MBD5: variants seen among roughly 807,000 people sequenced by gnomAD.
MBD5 encodes the protein methyl-CpG-binding domain protein 5.
Under a neutral mutation model 117.3 loss-of-function variants are expected in MBD5, and 13 were observed. That is an observed-to-expected ratio of 0.11 (90% CI 0.07 to 0.18). The LOEUF (loss-of-function observed/expected upper bound fraction) is 0.18, where lower values mean the gene tolerates loss of function less well. Among genes scored for constraint, MBD5 ranks in the 10% least tolerant of loss-of-function variants. The pLI is 1.00. For synonymous variants in MBD5, 727 were observed against 766.4 expected, an observed-to-expected ratio of 0.95 and a Z score of 0.85; for missense variants, 1,879 against 2,093.8, an observed-to-expected ratio of 0.90 and a Z score of 2.00.
In MBD5 at chr2:148,507,564, C is replaced by T. The variant is rs537972947; in HGVS notation, c.5037-2496C>T. 2.6e-4 allele frequency among the ~76,000 whole-genome samples: 40 copies of T among 151,454 alleles called. 1 individual carries two copies. In the East Asian group the frequency reaches 7.6e-3, roughly 29 times the overall value. The stretch of plus-strand genomic sequence containing the variant: ...CACGAGGTCAGGAGATCGAGACCAT[C>T]CTGGCTAACACGGTGAAACCCCGTC... On this transcript the variant is annotated intron_variant, in intron 12 of 13. Coordinates refer to ENST00000642680, the MANE Select transcript of MBD5 (RefSeq NM_001378120.1).
intron 1 of MBD5, among the ~76,000 whole-genome samples, chr2:148,172,357 C>T (rs187306259): frequency 1.8e-4 from 27 of 152,308 alleles, no homozygotes; most frequent in Non-Finnish European, 2.6e-4. Flanking sequence ...AGGTTGAAGG[C>T]GAGCTGAGGC....
chr2:148,275,769 C>CTT (rs905502617), intron 3 of MBD5, among the ~76,000 whole-genome samples: 1 of 145,054 alleles, frequency 6.9e-6, no homozygotes. Context: ...CTGGAAATCA[C>CTT]TTTTTTTTTT....
chr2:148,097,324 A>G (rs1183986941), intron 1 of MBD5, among the ~76,000 whole-genome samples: 2 of 152,184 alleles, frequency 1.3e-5, no homozygotes, highest in Non-Finnish European at 2.9e-5. Context: ...CATACAGTGA[A>G]TAGTTTCTCA....
chr2:148,136,828 T>C (rs1697182033), intron 1 of MBD5, among the ~76,000 whole-genome samples: 2 of 152,044 alleles, frequency 1.3e-5, no homozygotes, highest in South Asian at 4.1e-4. Context: ...AGTGGCACAA[T>C]CTTGGCTCAC....
At chr2:148,153,187 C>G (rs1469019280) in intron 1 of MBD5, among the ~76,000 whole-genome samples, 1 of 150,936 alleles carries the variant, frequency 6.6e-6, no homozygotes, top group Non-Finnish European at 1.5e-5. Context: ...TTTATTTCTC[C>G]TTCACTTATG....
chr2:148,395,258 T>C lies in MBD5; in HGVS notation c.-557+52922T>C, dbSNP rs551769843. Among the ~76,000 whole-genome samples, 26 of 152,318 alleles carry C rather than the reference T, an allele frequency of 1.7e-4. No individual in the cohort carries two copies. The East Asian group carries it at 3.3e-3, about 19-fold the overall frequency. ...CACAGATATTTCCTTTAGCCACTTA[T>C]GGTTTTTGTTTCATCTAACTTCAGC... On this transcript the variant is annotated intron_variant, in intron 4 of 13. Coordinates refer to ENST00000642680, the MANE Select transcript of MBD5 (RefSeq NM_001378120.1).
At position 148,468,697 on chromosome 2, in the gene MBD5, A is replaced by G. The variant is rs1223829857; in HGVS notation, c.754A>G (p.Arg252Gly). Reference protein sequence around the residue: ...DPLGSPDVFTRSNPGFHGAPN... With the variant: ...DPLGSPDVFTGSNPGFHGAPN... Reference sequence around the variant, plus strand: ...ACTTGGAAGTCCTGATGTTTTCACAAGAAGTAATCCTGGTTTTCATGGAGC... The same window carrying G: ...ACTTGGAAGTCCTGATGTTTTCACAGGAAGTAATCCTGGTTTTCATGGAGC... Residue 252 changes from arginine (R) to glycine (G), a missense_variant, in exon 8 of 14, where the codon AGA (arginine) becomes GGA (glycine). Physicochemically the swap from Arg to Gly is moderately radical, Grantham distance 125 (BLOSUM62 -2). Coordinates refer to ENST00000642680, the MANE Select transcript of MBD5 (RefSeq NM_001378120.1). The G allele has an allele frequency of 1.2e-6, 2 of 1,613,832 alleles. No individual in the cohort carries two copies. The highest frequency in any genetic ancestry group is 2.7e-5 in the African/African-American group (2 of 74,884).
At chr2:148,147,075 A>C (rs1201851528) in intron 1 of MBD5, among the ~76,000 whole-genome samples, 1 of 151,978 alleles carries the variant, frequency 6.6e-6, no homozygotes, top group African/African-American at 2.4e-5. Context: ...GAACATATGT[A>C]TTGTAGGTGG....
intron 1 of MBD5, among the ~76,000 whole-genome samples, chr2:148,118,611 T>C (rs1696695487): frequency 6.6e-6 from 1 of 151,736 alleles, no homozygotes; most frequent in Admixed American, 6.6e-5. Flanking sequence ...AAAAAACTAT[T>C]AAAATTCATC....
chr2:148,496,604 C>T (rs1681710505), intron 11 of MBD5, among the ~76,000 whole-genome samples: 1 of 152,168 alleles, frequency 6.6e-6, no homozygotes, highest in South Asian at 2.1e-4. Context: ...AACTTTTAAA[C>T]ATTGTTTCCT....
At chr2:148,286,344 G>A (rs996995239) in intron 3 of MBD5, among the ~76,000 whole-genome samples, 7 of 152,154 alleles carry the variant, frequency 4.6e-5, no homozygotes, top group Non-Finnish European at 8.8e-5. Context: ...GCTGAGAAAT[G>A]TTGTGCCAAG....
chr2:148,085,809 G>C (rs1404078717), intron 1 of MBD5, among the ~76,000 whole-genome samples: 1 of 152,208 alleles, frequency 6.6e-6, no homozygotes, highest in Non-Finnish European at 1.5e-5. Flanking sequence ...AAGACACTGA[G>C]AGAATGGAAA....
At chr2:148,333,550 C>A (rs1359604376) in intron 3 of MBD5, among the ~76,000 whole-genome samples, 1 of 151,876 alleles carries the variant, frequency 6.6e-6, no homozygotes, top group Non-Finnish European at 1.5e-5. Context: ...TTCAAAATTC[C>A]CCAGTTCAAG....
intron 3 of MBD5, among the ~76,000 whole-genome samples, chr2:148,336,116 A>G (rs75590655): frequency 0.01 from 1,527 of 152,288 alleles, 23 homozygotes; most frequent in African/African-American, 0.035. Flanking sequence ...CCACCATTCT[A>G]TTTTCTCACA....
chr2:148,407,698 TATG>T (rs139377999), intron 4 of MBD5, among the ~76,000 whole-genome samples: 3,015 of 152,236 alleles, frequency 0.02, 109 homozygotes, highest in African/African-American at 0.069. Flanking sequence ...AATTGTTCAT[TATG>T]AGTGAGAAAT....
At chr2:148,197,560 G>A (rs1194035363) in intron 2 of MBD5, among the ~76,000 whole-genome samples, 1 of 152,142 alleles carries the variant, frequency 6.6e-6, no homozygotes, top group Non-Finnish European at 1.5e-5. Context: ...ACTTTGCAAA[G>A]AGCATGTTAG....
intron 3 of MBD5, among the ~76,000 whole-genome samples, chr2:148,339,176 G>C (rs1559030147): frequency 1.3e-5 from 2 of 152,158 alleles, no homozygotes; most frequent in African/African-American, 4.8e-5. Context: ...CATTCTGAAG[G>C]CAGAGGTGCT....
chr2:148,238,229 T>G (rs1700132543), intron 3 of MBD5, among the ~76,000 whole-genome samples: 1 of 152,220 alleles, frequency 6.6e-6, no homozygotes, highest in Non-Finnish European at 1.5e-5. Flanking sequence ...TTAGAGTTCA[T>G]GTTTAAAAAT....
intron 3 of MBD5, among the ~76,000 whole-genome samples, chr2:148,249,991 C>T (rs931824365): frequency 4.3e-5 from 5 of 116,410 alleles, no homozygotes; most frequent in East Asian, 1.9e-4. Context: ...ACTTTTTTTC[C>T]GCTACTTTCT....
Sources: allele counts gnomAD v4.1 joint callset (sites outside exome capture counted in the v4.1 genomes callset), GRCh38; gene constraint gnomAD v4.1.1; transcripts MANE v1.5; gene names NCBI Gene and HGNC (gene_info 2026-07-23, HGNC 2026-07-21).